Variants in KIF6 observed in about 807,000 individuals in gnomAD.
KIF6 encodes the protein kinesin family member 6.
A neutral mutation model predicts 112.7 loss-of-function variants in KIF6; 106 were observed. The observed-to-expected ratio is 0.94, with a 90% CI of 0.80 to 1.11. The LOEUF (loss-of-function observed/expected upper bound fraction) is 1.11. KIF6 is among the 50% of genes least tolerant of loss of function. The pLI, the probability that KIF6 is intolerant of heterozygous loss-of-function variation, is 0.00. For missense variants in KIF6, 929 were observed against 964.0 expected, an observed-to-expected ratio of 0.96 and a Z score of 0.48; for synonymous variants, 339 against 339.9, an observed-to-expected ratio of 1.00 and a Z score of 0.03.
chr6:39,426,834 T>G (rs914763420), intron 14 of KIF6, among the ~76,000 whole-genome samples: 1 of 152,174 alleles, frequency 6.6e-6, no homozygotes, highest in African/African-American at 2.4e-5. Flanking sequence ...ATTCTTATAC[T>G]CTGGGTCAGG....
chr6:39,492,904 T>G (rs1042779983), intron 13 of KIF6, among the ~76,000 whole-genome samples: 5 of 152,192 alleles, frequency 3.3e-5, no homozygotes, highest in Non-Finnish European at 5.9e-5. Flanking sequence ...ACCTGTCATA[T>G]TTATTGTTGT....
intron 3 of KIF6, among the ~76,000 whole-genome samples, chr6:39,712,442 C>T (rs1313397303): frequency 6.6e-6 from 1 of 152,102 alleles, no homozygotes; most frequent in East Asian, 1.9e-4. Flanking sequence ...AGTGCTCTTG[C>T]CTGTCGTTTT....
chr6:39,575,885 T>C (rs186681291), intron 10 of KIF6, among the ~76,000 whole-genome samples: 327 of 152,268 alleles, frequency 2.1e-3, no homozygotes, highest in Non-Finnish European at 3.9e-3. Flanking sequence ...AAGTCCCACC[T>C]CTCGGTCCCT....
At chr6:39,530,901 T>C (rs1018510293) in intron 13 of KIF6, among the ~76,000 whole-genome samples, 8 of 152,176 alleles carry the variant, frequency 5.3e-5, no homozygotes, top group Admixed American at 3.3e-4. Context: ...TATAAAATAA[T>C]GGAATAATAA....
intron 3 of KIF6, among the ~76,000 whole-genome samples, chr6:39,657,628 A>C (rs1011528655): frequency 2.6e-5 from 4 of 152,352 alleles, no homozygotes; most frequent in East Asian, 1.9e-4. Flanking sequence ...CAGACAAATT[A>C]TCTCTCTCTA....
chr6:39,431,344 C>G, intron 13 of KIF6, 183 bp from the exon 14 acceptor site: 1 of 570,092 alleles, frequency 1.8e-6, no homozygotes, highest in Admixed American at 3.0e-5. Context: ...GAGGCCCTTC[C>G]AGTGCCACCC....
chr6:39,468,543 C>T (rs1371897898), intron 13 of KIF6, among the ~76,000 whole-genome samples: 3 of 151,976 alleles, frequency 2.0e-5, no homozygotes, highest in Non-Finnish European at 4.4e-5. Context: ...ATGATGAAGG[C>T]CAGAAGCCAA....
At chr6:39,510,862 A>C (rs751712001) in intron 13 of KIF6, among the ~76,000 whole-genome samples, 71 of 147,168 alleles carry the variant, frequency 4.8e-4, no homozygotes, top group Non-Finnish European at 9.7e-4. Context: ...TCTACCAAGC[A>C]AATGGGAAGC....
chr6:39,469,019 T>C (rs1195293453), intron 13 of KIF6, among the ~76,000 whole-genome samples: 1 of 151,840 alleles, frequency 6.6e-6, no homozygotes, highest in African/African-American at 2.4e-5. Context: ...CATACACACA[T>C]ACAACAATAA....
intron 10 of KIF6, among the ~76,000 whole-genome samples, chr6:39,572,492 A>G (rs1780697432): frequency 6.6e-6 from 1 of 152,100 alleles, no homozygotes; most frequent in South Asian, 2.1e-4. Context: ...TTTTTCTGTT[A>G]GAAAAGGATC....
chr6:39,623,250 T>C (rs750796316), intron 5 of KIF6, among the ~76,000 whole-genome samples: 16 of 152,226 alleles, frequency 1.1e-4, no homozygotes, highest in Admixed American at 5.9e-4. Flanking sequence ...CTCACTTCTC[T>C]ACTTTTTGAA....
At chr6:39,592,563 T>C (rs1239702786) in intron 7 of KIF6, among the ~76,000 whole-genome samples, 1 of 152,210 alleles carries the variant, frequency 6.6e-6, no homozygotes, top group African/African-American at 2.4e-5. Context: ...TTTCCAGTGG[T>C]TTCTCACTTG....
intron 15 of KIF6, among the ~76,000 whole-genome samples, chr6:39,388,103 C>T (rs1384236698): frequency 6.6e-6 from 1 of 152,146 alleles, no homozygotes; most frequent in Non-Finnish European, 1.5e-5. Context: ...TACCTCCCTG[C>T]TAATAAGCCT....
chr6:39,611,801 C>T (rs531492795), intron 6 of KIF6, among the ~76,000 whole-genome samples: 1 of 152,230 alleles, frequency 6.6e-6, no homozygotes, highest in African/African-American at 2.4e-5. Flanking sequence ...ATCATACGCC[C>T]AAATTCTTAC....
Position 39,500,293 on chromosome 6 carries a change from C to T in KIF6, c.1645+39710G>A, listed in dbSNP as rs552536393. On this transcript the variant is annotated intron_variant, in intron 13 of 22. Transcript: ENST00000287152. Reference sequence around the variant, plus strand: ...AGAATACAAGAGAGAAATTATTAAACGGAAAGACAGGTACACTTCACATCG... The same window carrying T: ...AGAATACAAGAGAGAAATTATTAAATGGAAAGACAGGTACACTTCACATCG... 3.9e-5 allele frequency among the ~76,000 whole-genome samples: 6 copies of T among 152,214 alleles called. No individual in the cohort carries two copies. In the East Asian group the frequency reaches 7.7e-4, roughly 20 times the overall value.
intron 15 of KIF6, among the ~76,000 whole-genome samples, chr6:39,397,811 A>T (rs1329256637): frequency 3.9e-5 from 6 of 152,140 alleles, no homozygotes; most frequent in East Asian, 1.9e-4. Context: ...GGGGAGCGGG[A>T]AATCAGAAGG....
chr6:39,685,823 C>G lies in KIF6; in HGVS notation c.251+28869G>C, dbSNP rs988354172. 2.6e-5 allele frequency among the ~76,000 whole-genome samples: 4 copies of G among 152,310 alleles called. No individual in the cohort carries two copies. The South Asian group carries it at 8.3e-4, about 32-fold the overall frequency. The stretch of plus-strand genomic sequence containing the variant: ...AACTGATGGTTGAATGGTCATAGCC[C>G]CTCCAAATTTCCAACGCTCTAGAAA... On this transcript the variant is annotated intron_variant, in intron 3 of 22. Coordinates refer to ENST00000287152, the MANE Select transcript of KIF6 (RefSeq NM_145027.6).
intron 2 of KIF6, among the ~76,000 whole-genome samples, chr6:39,720,449 A>C (rs1034075627): frequency 6.6e-6 from 1 of 152,134 alleles, no homozygotes; most frequent in Non-Finnish European, 1.5e-5. Context: ...GTAGGAAAAT[A>C]CTAGATAAAC....
At chr6:39,389,181 C>T (rs1581742763) in intron 15 of KIF6, among the ~76,000 whole-genome samples, 1 of 152,268 alleles carries the variant, frequency 6.6e-6, no homozygotes, top group Admixed American at 6.5e-5. Flanking sequence ...GTATTATCAT[C>T]ATGCAGAAGT....
Sources: allele counts gnomAD v4.1 joint callset (sites outside exome capture counted in the v4.1 genomes callset), GRCh38; gene constraint gnomAD v4.1.1; transcripts MANE v1.5; gene names NCBI Gene and HGNC (gene_info 2026-07-23, HGNC 2026-07-21).